The following NUP153 variants were observed in gnomAD, a reference collection of about 807,000 sequenced individuals.
The protein encoded by NUP153 is nucleoporin 153, also known as nuclear pore complex protein Nup153.
Under a neutral mutation model 134.6 loss-of-function variants are expected in NUP153, and 27 were observed. The observed-to-expected ratio is 0.20, with a 90% CI of 0.15 to 0.28. NUP153 has a LOEUF of 0.28. NUP153 is among the 10% of genes least tolerant of loss of function. The probability of loss-of-function intolerance (pLI) is 1.00; values close to 1 mark genes in which losing one functional copy is unlikely to be tolerated. For synonymous variants in NUP153, 640 were observed against 623.5 expected, an observed-to-expected ratio of 1.03 and a Z score of -0.40; for missense variants, 1,821 against 1,731.3, an observed-to-expected ratio of 1.05 and a Z score of -0.92.
At position 17,624,701 on chromosome 6, in the gene NUP153, G is replaced by A. The variant is rs770689640; in HGVS notation, c.4034C>T (p.Ser1345Leu). 2 of 1,614,176 alleles carry A rather than the reference G, an allele frequency of 1.2e-6. No homozygotes were observed. The highest frequency in any genetic ancestry group is 1.7e-6 in the Non-Finnish European group (2 of 1,180,032). The stretch of plus-strand genomic sequence containing the variant: ...AGTGGGAAATAATGCTGTGGAAGAT[G>A]ATATAGATCCAAAGCCTGGGGGATT... Reference protein sequence around the residue: ...QPNPPGFGSISSSTALFPTGS... With the variant: ...QPNPPGFGSILSSTALFPTGS... The change falls in exon 20 of 22, where the codon TCA becomes TTA. Residue 1345 changes from serine to leucine, a missense_variant. Coordinates refer to ENST00000262077, the MANE Select transcript of NUP153 (RefSeq NM_005124.4).
intron 1 of NUP153, among the ~76,000 whole-genome samples, chr6:17,692,692 T>A (rs192378252): frequency 2.0e-5 from 3 of 152,310 alleles, no homozygotes; most frequent in Non-Finnish European, 4.4e-5. Flanking sequence ...TATAATTGAG[T>A]GGTCCTCAAA....
At chr6:17,640,622 C>G (rs1312334990) in intron 14 of NUP153, among the ~76,000 whole-genome samples, 2 of 152,106 alleles carry the variant, frequency 1.3e-5, no homozygotes, top group Non-Finnish European at 2.9e-5. Context: ...AGAAATCATT[C>G]TTTTTCAAAA....
chr6:17,658,999 CA>C (rs1243263832), intron 11 of NUP153, among the ~76,000 whole-genome samples: 12 of 152,116 alleles, frequency 7.9e-5, no homozygotes, highest in African/African-American at 2.9e-4. Context: ...TGAGATGCAC[CA>C]AAAACTGCAA....
Position 17,702,696 on chromosome 6 carries a change from G to A in NUP153, c.111+3581C>T, listed in dbSNP as rs567028761. ...CGTCTCAAAAAAAGAAAGGAGAAAA[G>A]AAAAATGACACCATTTCCTAAATGC... On this transcript the variant is annotated intron_variant, in intron 1 of 21. Coordinates refer to ENST00000262077, the MANE Select transcript of NUP153 (RefSeq NM_005124.4). Among the ~76,000 whole-genome samples, 54 of 151,972 alleles carry A rather than the reference G, an allele frequency of 3.6e-4. 1 individual carries two copies. The highest frequency in any genetic ancestry group is 6.5e-4 in the Non-Finnish European group (44 of 67,938).
At chr6:17,701,544 C>T (rs1770073569) in intron 1 of NUP153, among the ~76,000 whole-genome samples, 2 of 151,310 alleles carry the variant, frequency 1.3e-5, no homozygotes, top group South Asian at 2.1e-4. Flanking sequence ...TGCCTGTAGT[C>T]CCAGCTACTC....
intron 17 of NUP153, 94 bp from the exon 18 acceptor site, chr6:17,629,633 T>A: frequency 8.4e-7 from 1 of 1,191,814 alleles, no homozygotes; most frequent in Non-Finnish European, 1.1e-6. Context: ...AACATAGGAG[T>A]AACTTTGAAA....
intron 11 of NUP153, among the ~76,000 whole-genome samples, chr6:17,658,608 A>C (rs1766982038): frequency 6.6e-6 from 1 of 152,218 alleles, no homozygotes; most frequent in South Asian, 2.1e-4. Context: ...GAAGTTGCCA[A>C]AGAACTCAAC....
At chr6:17,701,366 A>G (rs1287399245) in intron 1 of NUP153, among the ~76,000 whole-genome samples, 1 of 152,062 alleles carries the variant, frequency 6.6e-6, no homozygotes, top group African/African-American at 2.4e-5. Flanking sequence ...AGTCTCTATT[A>G]AAAATACAAA....
rs1764829335 is a variant in NUP153 at position 17,624,653 on chromosome 6, G to A, written c.4082C>T (p.Thr1361Ile). 1 of 1,614,204 alleles carries A rather than the reference G, an allele frequency of 6.2e-7. No homozygotes were observed. The highest frequency in any genetic ancestry group is 8.5e-7 in the Non-Finnish European group (1 of 1,180,034). ...GCTACTGCTTGACACTGTCCCAAAA[G>A]TAGGTGGTGCAGGCTGAGAACCAGT... ...FPTGSQPAPPTFGTVSSSSQP... is the reference protein window; with the variant it reads ...FPTGSQPAPPIFGTVSSSSQP... The change falls in exon 20 of 22, where the codon ACT becomes ATT. Residue 1361 changes from threonine to isoleucine, a missense_variant. Thr to Ile is a moderately conservative substitution (Grantham distance 89, BLOSUM62 -1). Coordinates refer to ENST00000262077, the MANE Select transcript of NUP153 (RefSeq NM_005124.4).
intron 11 of NUP153, among the ~76,000 whole-genome samples, chr6:17,655,039 G>A (rs939406521): frequency 6.6e-6 from 1 of 152,160 alleles, no homozygotes; most frequent in African/African-American, 2.4e-5. Context: ...ACAAGAGCAA[G>A]CAATTAAGTC....
intron 5 of NUP153, among the ~76,000 whole-genome samples, chr6:17,671,057 G>C (rs965681983): frequency 1.4e-4 from 22 of 151,894 alleles, no homozygotes; most frequent in African/African-American, 4.8e-4. Context: ...GTGATCTAAG[G>C]CCTTCCAAAG....
At chr6:17,640,811 G>A (rs937780482) in intron 14 of NUP153, among the ~76,000 whole-genome samples, 2 of 151,824 alleles carry the variant, frequency 1.3e-5, no homozygotes, top group African/African-American at 4.8e-5. Flanking sequence ...TTGTAGACAT[G>A]GGGTCTCACT....
intron 1 of NUP153, among the ~76,000 whole-genome samples, chr6:17,690,861 CG>C (rs1157503425): frequency 6.6e-6 from 1 of 152,026 alleles, no homozygotes; most frequent in Non-Finnish European, 1.5e-5. Flanking sequence ...AAAAGGTAGC[CG>C]GGCGTGGTGG....
At chr6:17,639,313 A>C (rs963220308) in intron 15 of NUP153, among the ~76,000 whole-genome samples, 24 of 152,074 alleles carry the variant, frequency 1.6e-4, no homozygotes, top group African/African-American at 5.8e-4. Context: ...TCCTGGCCTC[A>C]AGTGATCTGC....
intron 1 of NUP153, among the ~76,000 whole-genome samples, chr6:17,697,471 A>G (rs556218038): frequency 5.9e-4 from 90 of 152,208 alleles, no homozygotes; most frequent in Non-Finnish European, 9.8e-4. Context: ...AGGTCACCTG[A>G]GGTCAGGAGT....
At chr6:17,656,374 G>A (rs970562909) in intron 11 of NUP153, among the ~76,000 whole-genome samples, 9 of 152,178 alleles carry the variant, frequency 5.9e-5, no homozygotes, top group African/African-American at 2.2e-4. Flanking sequence ...TGGCCAGAAT[G>A]AAGAGAAGAG....
chr6:17,690,529 T>C (rs989859814), intron 1 of NUP153, among the ~76,000 whole-genome samples: 2 of 152,178 alleles, frequency 1.3e-5, no homozygotes, highest in Non-Finnish European at 2.9e-5. Context: ...TGTGAAGGCA[T>C]GTATCAATTT....
chr6:17,645,937 G>A lies in NUP153; in HGVS notation c.1720+130C>T, dbSNP rs369316996. On this transcript the variant is annotated intron_variant, in intron 14 of 21. Transcript: ENST00000262077. Reference sequence around the variant, plus strand: ...TCAAAAAGGTTAAATAATAGTGCCTGCTTGCTTTTCAGAGCTAATTTCATC... The same window carrying A: ...TCAAAAAGGTTAAATAATAGTGCCTACTTGCTTTTCAGAGCTAATTTCATC... 2.4e-4 allele frequency: 105 copies of A among 446,596 alleles called. 1 individual carries two copies. The highest frequency in any genetic ancestry group is 1.9e-3 in the Middle Eastern group (3 of 1,606). The allele number at this position is 446,596 out of a possible 1,614,324, so 27.7% of individuals were successfully genotyped here. A position where few individuals can be genotyped will look rare whatever the true frequency, so the allele number is the denominator to read the frequency against.
At position 17,615,669 on chromosome 6, in the gene NUP153, A is replaced by T. The variant is rs1482353043; in HGVS notation, c.*428T>A. The T allele has an allele frequency of 1.3e-5, 2 of 154,162 alleles. No individual in the cohort carries two copies. The highest frequency in any genetic ancestry group is 6.5e-5 in the Admixed American group (1 of 15,348). The allele number at this position is 154,162 out of a possible 1,614,324, so 9.5% of individuals were successfully genotyped here. A position where few individuals can be genotyped will look rare whatever the true frequency, so the allele number is the denominator to read the frequency against. The stretch of plus-strand genomic sequence containing the variant: ...CAGCATAGAAATCATCCGTTTCAAC[A>T]CTCTCTAATCTATACAGAATTCTAA... On this transcript the variant is annotated 3_prime_UTR_variant, in exon 22 of 22. Coordinates refer to ENST00000262077, the MANE Select transcript of NUP153 (RefSeq NM_005124.4). The surrounding 1 kb of genome is among the most constrained non-coding windows in gnomAD (Gnocchi z 5.7).
Sources: gnomAD v4.1 joint callset for allele counts (sites outside exome capture counted in the v4.1 genomes callset) on GRCh38, gnomAD v4.1.1 for gene constraint, Gnocchi (gnomAD v3.1) non-coding constraint, MANE v1.5 for transcripts, NCBI Gene and HGNC (gene_info 2026-07-23, HGNC 2026-07-21) for gene names.